NXPH1: variants seen among roughly 807,000 people sequenced by gnomAD.
NXPH1 encodes the protein neurexophilin 1.
In NXPH1, 5 loss-of-function variants were observed where a neutral mutation model predicts 23.7. The observed-to-expected ratio is 0.21, with a 90% confidence interval of 0.11 to 0.44. NXPH1 has a LOEUF of 0.44. Ranked by LOEUF, NXPH1 falls within the 20% of genes least tolerant of loss-of-function variation. The pLI, the probability that NXPH1 is intolerant of heterozygous loss-of-function variation, is 0.99. For synonymous variants in NXPH1, 144 were observed against 122.2 expected (o/e 1.18, Z -1.18); for missense variants, 324 against 321.6 (o/e 1.01, Z -0.06).
intron 2 of NXPH1, among the ~76,000 whole-genome samples, chr7:8,437,526 C>A (rs148475542): frequency 6.8e-4 from 104 of 152,314 alleles, no homozygotes; most frequent in African/African-American, 2.4e-3. Flanking sequence ...CTCACACACA[C>A]GGCAAGGGCT....
chr7:8,658,334 C>T (rs187099032), intron 2 of NXPH1, among the ~76,000 whole-genome samples: 6 of 152,252 alleles, frequency 3.9e-5, no homozygotes, highest in East Asian at 1.9e-4. Flanking sequence ...AAGTGCTCAA[C>T]GAGTGTTTGA....
intron 2 of NXPH1, among the ~76,000 whole-genome samples, chr7:8,615,407 G>A (rs1222959242): frequency 6.6e-6 from 1 of 151,986 alleles, no homozygotes; most frequent in South Asian, 2.1e-4. Context: ...GAGAGGATTC[G>A]ATGGGATAAT....
rs933322397 is a variant in NXPH1 at position 8,558,494 on chromosome 7, G to A, written c.54+122727G>A. Among the ~76,000 whole-genome samples, 17 of 151,686 alleles carry A rather than the reference G, an allele frequency of 1.1e-4. No homozygotes were observed. The South Asian group carries it at 2.1e-3, about 19-fold the overall frequency. On this transcript the variant is annotated intron_variant, in intron 2 of 2. Transcript: ENST00000405863. ...TCTAGGAGACATTGGAGCCAATAAA[G>A]CTTAGTTACTACATAAAATGATATC... is the stretch of plus-strand genomic sequence containing the variant.
Position 8,716,314 on chromosome 7 carries a change from C to G in NXPH1, c.55-34694C>G, listed in dbSNP as rs1008166145. Among the ~76,000 whole-genome samples the G allele has an allele frequency of 3.3e-5, 5 of 152,260 alleles. No individual in the cohort carries two copies. The East Asian group carries it at 7.7e-4, about 24-fold the overall frequency. ...CTGACTATAGCTTTAATCTGCAATTCTTTGTATAAAAAGTTCTAGGAAATG... is the reference window on the plus strand; with the variant it reads ...CTGACTATAGCTTTAATCTGCAATTGTTTGTATAAAAAGTTCTAGGAAATG... On this transcript the variant is annotated intron_variant, in intron 2 of 2. Transcript: ENST00000405863.
chr7:8,645,128 T>A (rs757058292), intron 2 of NXPH1, among the ~76,000 whole-genome samples: 5 of 152,208 alleles, frequency 3.3e-5, no homozygotes, highest in Non-Finnish European at 7.4e-5. Context: ...ACAATACTAC[T>A]ATGATTCTTT....
intron 2 of NXPH1, among the ~76,000 whole-genome samples, chr7:8,469,010 G>A (rs1288044335): frequency 6.6e-6 from 1 of 151,852 alleles, no homozygotes; most frequent in Admixed American, 6.6e-5. Flanking sequence ...TTAACTGAAT[G>A]CTCATGTTGA....
chr7:8,554,722 T>C (rs1051341649), intron 2 of NXPH1, among the ~76,000 whole-genome samples: 26 of 151,708 alleles, frequency 1.7e-4, no homozygotes, highest in African/African-American at 6.0e-4. Flanking sequence ...CTTTTAAGTA[T>C]AAAGTCCTTC....
At chr7:8,674,172 C>CAT (rs1477537851) in intron 2 of NXPH1, among the ~76,000 whole-genome samples, 5 of 113,722 alleles carry the variant, frequency 4.4e-5, no homozygotes, top group Non-Finnish European at 8.4e-5. Context: ...GACACACACA[C>CAT]ACACACACAC....
At chr7:8,623,570 G>C (rs1286136400) in intron 2 of NXPH1, among the ~76,000 whole-genome samples, 5 of 147,140 alleles carry the variant, frequency 3.4e-5, no homozygotes, top group African/African-American at 5.2e-5. Context: ...AAAACCAAAA[G>C]CTGGGGGACT....
At position 8,738,157 on chromosome 7, in the gene NXPH1, C is replaced by T. The variant is rs145028972; in HGVS notation, c.55-12851C>T. Among the ~76,000 whole-genome samples, 176 of 152,294 alleles carry T rather than the reference C, an allele frequency of 1.2e-3. 1 individual carries two copies. The East Asian group carries it at 0.03, about 26-fold the overall frequency. ...CTGTCCATTCGTCAAACTCATTCTC[C>T]GTCCAGTTTTGTTCCCTTGCTGGTG... On this transcript the variant is annotated intron_variant, in intron 2 of 2. Transcript: ENST00000405863.
At chr7:8,543,073 T>C (rs1818144133) in intron 2 of NXPH1, among the ~76,000 whole-genome samples, 1 of 151,562 alleles carries the variant, frequency 6.6e-6, no homozygotes, top group Non-Finnish European at 1.5e-5. Flanking sequence ...CCATGATGAT[T>C]GTCCTTTTGG....
chr7:8,520,275 T>C (rs1411175569), intron 2 of NXPH1, among the ~76,000 whole-genome samples: 7 of 152,190 alleles, frequency 4.6e-5, no homozygotes, highest in Non-Finnish European at 1.0e-4. Flanking sequence ...CAAGTCACTG[T>C]CTGACTTTTT....
chr7:8,645,801 T>C (rs1433467534), intron 2 of NXPH1, among the ~76,000 whole-genome samples: 1 of 152,122 alleles, frequency 6.6e-6, no homozygotes, highest in East Asian at 1.9e-4. Context: ...CTTATTTCAT[T>C]TGGAATTCCC....
At position 8,435,829 on chromosome 7, in the gene NXPH1, G is replaced by A; in HGVS notation, c.54+62G>A. On this transcript the variant is annotated intron_variant, in intron 2 of 2. Coordinates refer to ENST00000405863, the MANE Select transcript of NXPH1 (RefSeq NM_152745.3). The surrounding 1 kb of genome is among the most constrained non-coding windows in gnomAD (Gnocchi z 5.9). ...CCCCGGCCGGGAGGCAAGGAAACTG[G>A]GGACACGCGGGAGAAGGGTTACGCC... The A allele has an allele frequency of 6.8e-7, 1 of 1,472,110 alleles. No individual in the cohort carries two copies. Among genetic ancestry groups the A allele is most frequent in the Non-Finnish European group, 9.5e-7 (1 of 1,051,336 alleles). 91.2% of individuals were successfully genotyped at this position (1,472,110 alleles called of 1,614,324 possible). A position where few individuals can be genotyped will look rare whatever the true frequency, so the allele number is the denominator to read the frequency against.
At chr7:8,484,344 C>T (rs373062676) in intron 2 of NXPH1, among the ~76,000 whole-genome samples, 14 of 151,894 alleles carry the variant, frequency 9.2e-5, no homozygotes, top group African/African-American at 1.2e-4. Context: ...ATACTTGGTC[C>T]GCTTTATTCA....
intron 2 of NXPH1, among the ~76,000 whole-genome samples, chr7:8,669,214 G>A (rs926648581): frequency 1.2e-4 from 18 of 152,184 alleles, no homozygotes; most frequent in African/African-American, 4.3e-4. Context: ...CATGGAGCAT[G>A]CGTCCATGGG....
intron 2 of NXPH1, among the ~76,000 whole-genome samples, chr7:8,644,482 C>G (rs1820364473): frequency 6.6e-6 from 1 of 152,026 alleles, no homozygotes. Context: ...TCTCTTTATT[C>G]TCTTGTCTAG....
At chr7:8,461,149 G>A (rs1327049064) in intron 2 of NXPH1, among the ~76,000 whole-genome samples, 6 of 152,220 alleles carry the variant, frequency 3.9e-5, no homozygotes. Context: ...TGCAGAGGAA[G>A]AGAACATTTG....
intron 2 of NXPH1, among the ~76,000 whole-genome samples, chr7:8,445,470 A>G (rs991535841): frequency 6.6e-6 from 1 of 152,210 alleles, no homozygotes; most frequent in Non-Finnish European, 1.5e-5. Context: ...ACCCACCACA[A>G]TGCATAAATT....
Sources: allele counts gnomAD v4.1 joint callset (sites outside exome capture counted in the v4.1 genomes callset), GRCh38; gene constraint gnomAD v4.1.1; non-coding constraint Gnocchi (gnomAD v3.1); transcripts MANE v1.5; gene names NCBI Gene and HGNC (gene_info 2026-07-23, HGNC 2026-07-21).